The following PCDHA5 variants were observed in gnomAD, a reference collection of about 807,000 sequenced individuals.
The protein encoded by PCDHA5 is protocadherin alpha 5.
Under a neutral mutation model 61.6 loss-of-function variants are expected in PCDHA5, and 43 were observed. The observed-to-expected ratio is 0.70, with a 90% CI of 0.55 to 0.90. The LOEUF (loss-of-function observed/expected upper bound fraction) is 0.90. Ranked by LOEUF, PCDHA5 falls within the 40% of genes least tolerant of loss-of-function variation. PCDHA5 has a pLI of 0.00. For missense variants in PCDHA5, 1,298 were observed against 1,222.7 expected (o/e 1.06, Z -0.92); for synonymous variants, 627 against 543.9 (o/e 1.15, Z -2.13).
At chr5:140,872,432 G>T (rs2053660736) in intron 1 of PCDHA5, among the ~76,000 whole-genome samples, 1 of 152,026 alleles carries the variant, frequency 6.6e-6, no homozygotes, top group Non-Finnish European at 1.5e-5. Context: ...TTCGAGGCCT[G>T]CCTGGACAAC....
At chr5:140,929,195 G>GT in intron 1 of PCDHA5, 2 of 1,614,140 alleles carry the variant, frequency 1.2e-6, no homozygotes, top group Non-Finnish European at 1.7e-6. Context: ...GATAATAACA[G>GT]TTTGCTGTTG....
At chr5:140,927,297 G>C in intron 1 of PCDHA5, 1 of 1,614,150 alleles carries the variant, frequency 6.2e-7, no homozygotes, top group Non-Finnish European at 8.5e-7. Context: ...ACATCCCCGA[G>C]TTCCTGACGC....
rs2150111566 is a variant in PCDHA5, at chr5:140,821,878, C to T, written c.103C>T (p.Pro35Ser). The change falls in exon 1 of 4, where the codon CCG becomes TCG. Residue 35 changes from proline to serine, a missense_variant. Transcript: ENST00000529859. ...AGSGQLHYSI[P>S]EEAKHGTFVG... ...GAGCGGCCAGCTCCACTACTCGATC[C>T]CGGAGGAAGCCAAACACGGAACCTT... 5 of 1,614,108 alleles carry T rather than the reference C, an allele frequency of 3.1e-6. No homozygotes were observed. The highest frequency in any genetic ancestry group is 4.2e-6 in the Non-Finnish European group (5 of 1,180,052).
chr5:140,849,581 C>A, intron 1 of PCDHA5: 7 of 1,598,698 alleles, frequency 4.4e-6, no homozygotes, highest in African/African-American at 2.7e-5. Flanking sequence ...TAAAAGAGGA[C>A]GCACAACTGG....
At chr5:140,846,321 T>C (rs1780323093) in intron 1 of PCDHA5, among the ~76,000 whole-genome samples, 1 of 149,102 alleles carries the variant, frequency 6.7e-6, no homozygotes, top group Admixed American at 6.7e-5. Context: ...TGTAGAGTGT[T>C]GTAAATAGCC....
chr5:140,856,156 G>A, intron 1 of PCDHA5: 1 of 1,598,364 alleles, frequency 6.3e-7, no homozygotes, highest in Non-Finnish European at 8.6e-7. Context: ...CAGTCTACGA[G>A]GAGGCCAGAC....
intron 1 of PCDHA5, chr5:140,856,766 A>C: frequency 1.3e-6 from 2 of 1,596,904 alleles, no homozygotes. Context: ...TAACGCCCCT[A>C]TCTTTGACAG....
intron 3 of PCDHA5, 162 bp downstream of exon 3, chr5:140,982,725 A>G (rs2096999365): frequency 1.1e-6 from 1 of 902,882 alleles, no homozygotes; most frequent in African/African-American, 1.8e-5. Flanking sequence ...GATTATTTTG[A>G]TTTTATACCT....
chr5:140,870,504 C>T (rs782464928), intron 1 of PCDHA5: 13 of 1,614,114 alleles, frequency 8.1e-6, no homozygotes, highest in Middle Eastern at 3.3e-4. Context: ...AGGAGAACAA[C>T]CCACCAGGCT....
At chr5:140,851,106 C>G in intron 1 of PCDHA5, 1 of 1,294,794 alleles carries the variant, frequency 7.7e-7, no homozygotes, top group South Asian at 2.7e-5. Context: ...TTTTTGGGTG[C>G]TGAATCAATT....
At chr5:140,928,082 T>A (rs1387313022) in intron 1 of PCDHA5, 4 of 1,614,094 alleles carry the variant, frequency 2.5e-6, no homozygotes, top group Admixed American at 3.3e-5. Context: ...TACTACAGCC[T>A]GCTGATTGAT....
chr5:140,915,453 A>G (rs963973003), intron 1 of PCDHA5, among the ~76,000 whole-genome samples: 13 of 152,232 alleles, frequency 8.5e-5, no homozygotes, highest in African/African-American at 2.9e-4. Context: ...AAGGTTTTCC[A>G]GAAGGTTTTT....
intron 1 of PCDHA5, chr5:140,877,884 C>T: frequency 6.8e-7 from 1 of 1,465,050 alleles, no homozygotes; most frequent in Non-Finnish European, 9.0e-7. Context: ...CCTTGAAGAA[C>T]TTCCGTTTAG....
intron 1 of PCDHA5, among the ~76,000 whole-genome samples, chr5:140,893,161 G>A (rs2063850346): frequency 6.6e-6 from 1 of 152,160 alleles, no homozygotes; most frequent in African/African-American, 2.4e-5. Context: ...TGGATATTGA[G>A]GTTGATTCCA....
intron 1 of PCDHA5, chr5:140,870,528 A>G (rs556976390): frequency 3.1e-6 from 5 of 1,614,214 alleles, no homozygotes; most frequent in African/African-American, 2.7e-5. Context: ...ACATCTTCAC[A>G]GTGTCGGCGC....
intron 1 of PCDHA5, among the ~76,000 whole-genome samples, chr5:140,897,896 T>C (rs1377037458): frequency 6.6e-6 from 1 of 152,204 alleles, no homozygotes; most frequent in Non-Finnish European, 1.5e-5. Context: ...TGGTGTGAGA[T>C]GGTATCTCAT....
intron 1 of PCDHA5, chr5:140,867,791 C>T (rs2050146253): frequency 1.3e-5 from 2 of 152,072 alleles, no homozygotes; most frequent in African/African-American, 2.4e-5. Context: ...CTGTATTTTA[C>T]TTAGCATTTT....
At chr5:140,979,486 C>T (rs1222755275) in intron 2 of PCDHA5, among the ~76,000 whole-genome samples, 1 of 152,032 alleles carries the variant, frequency 6.6e-6, no homozygotes, top group African/African-American at 2.4e-5. Flanking sequence ...TGTGTTCACA[C>T]CTATTAGAGC....
At chr5:140,902,860 G>C (rs1360454438) in intron 1 of PCDHA5, among the ~76,000 whole-genome samples, 1 of 152,130 alleles carries the variant, frequency 6.6e-6, no homozygotes, top group Non-Finnish European at 1.5e-5. Context: ...ATGGCGTCCA[G>C]GTCCACCCAA....
Sources: allele counts gnomAD v4.1 joint callset (sites outside exome capture counted in the v4.1 genomes callset), GRCh38; gene constraint gnomAD v4.1.1; transcripts MANE v1.5; gene names NCBI Gene and HGNC (gene_info 2026-07-23, HGNC 2026-07-21).